TENM4: variants seen among roughly 807,000 people sequenced by gnomAD.
TENM4 encodes the protein teneurin-4.
TENM4 carries 82 observed loss-of-function variants against 243.3 expected under a neutral mutation model. That is an observed-to-expected ratio of 0.34 (90% CI 0.28 to 0.40). TENM4 has a LOEUF of 0.40. Ranked by LOEUF, TENM4 falls within the 10% of genes least tolerant of loss-of-function variation. The pLI, the probability that TENM4 is intolerant of heterozygous loss-of-function variation, is 1.00. For synonymous variants in TENM4, 1,412 were observed against 1,456.3 expected (o/e 0.97, Z 0.69); for missense variants, 3,138 against 3,673.3 (o/e 0.85, Z 3.77).
In TENM4 at chr11:79,290,637, T is replaced by C. The variant is rs186144764; in HGVS notation, c.-265+6851A>G. Among the ~76,000 whole-genome samples, 100 of 152,214 alleles carry C rather than the reference T, an allele frequency of 6.6e-4. 1 individual carries two copies. The highest frequency in any genetic ancestry group is 2.2e-3 in the African/African-American group (92 of 41,540). Reference sequence around the variant, plus strand: ...GATCAGATCCTGGAACAAGCACTGATGAGCATCCTGTAATCCAGAAGATGA... The same window carrying C: ...GATCAGATCCTGGAACAAGCACTGACGAGCATCCTGTAATCCAGAAGATGA... On this transcript the variant is annotated intron_variant, in intron 2 of 33. Transcript: ENST00000278550.
Position 79,030,484 on chromosome 11 carries a change from C to T in TENM4, c.493+34254G>A, listed in dbSNP as rs117549152. On this transcript the variant is annotated intron_variant, in intron 6 of 33. Coordinates refer to ENST00000278550, the MANE Select transcript of TENM4 (RefSeq NM_001098816.3). ...TGCTATCAAAAAGCTAGAGTCATTTCGGCTGGACATACCACCAATGAAACT... is the reference window on the plus strand; with the variant it reads ...TGCTATCAAAAAGCTAGAGTCATTTTGGCTGGACATACCACCAATGAAACT... Among the ~76,000 whole-genome samples, 496 of 152,260 alleles carry T rather than the reference C, an allele frequency of 3.3e-3. 1 individual carries two copies. Among genetic ancestry groups the T allele is most frequent in the Non-Finnish European group, 5.4e-3 (364 of 68,028 alleles).
chr11:79,220,574 G>A (rs117691566), intron 2 of TENM4, among the ~76,000 whole-genome samples: 1 of 152,142 alleles, frequency 6.6e-6, no homozygotes, highest in Non-Finnish European at 1.5e-5. Context: ...AACATCATGG[G>A]CATTGCTTTC....
At chr11:78,923,997 G>A (rs1856503243) in intron 6 of TENM4, among the ~76,000 whole-genome samples, 1 of 151,760 alleles carries the variant, frequency 6.6e-6, no homozygotes, top group Admixed American at 6.6e-5. Context: ...TGGGATTACA[G>A]GTGCCTGCCA....
At chr11:78,719,744 C>T (rs186489710) in intron 25 of TENM4, among the ~76,000 whole-genome samples, 141 of 152,312 alleles carry the variant, frequency 9.3e-4, no homozygotes, top group African/African-American at 2.7e-3. Context: ...GACAGGCAGA[C>T]ACTTCTCTTG....
intron 22 of TENM4, among the ~76,000 whole-genome samples, chr11:78,726,760 C>T (rs566999199): frequency 6.6e-5 from 8 of 121,438 alleles, no homozygotes; most frequent in Admixed American, 2.3e-4. Context: ...GATGGCTGCT[C>T]CCGCTTTGCC....
In TENM4 at chr11:79,069,814, G is replaced by T; in HGVS notation, c.131C>A (p.Thr44Asn). ...APQKSYSSSE[T>N]LKAYDQDARL... ...GGCGTCCTGGTCGTAGGCCTTCAGG[G>T]TCTCGCTGGAGCTGTACGATTTCTG... Residue 44 changes from threonine (T) to asparagine (N), a missense_variant, in exon 5 of 34, where the codon ACC becomes AAC. Thr to Asn is a moderately conservative substitution (Grantham distance 65). Coordinates refer to ENST00000278550, the MANE Select transcript of TENM4 (RefSeq NM_001098816.3). 6.4e-7 allele frequency: 1 copy of T among 1,551,148 alleles called. No individual in the cohort carries two copies. Among genetic ancestry groups the T allele is most frequent in the South Asian group, 1.2e-5 (1 of 84,066 alleles).
intron 2 of TENM4, among the ~76,000 whole-genome samples, chr11:79,272,220 A>T (rs1590842079): frequency 6.6e-6 from 1 of 152,094 alleles, no homozygotes; most frequent in Admixed American, 6.5e-5. Context: ...CTTTCCATTC[A>T]ACAGTCATTG....
chr11:78,875,689 C>T (rs1221525055), intron 9 of TENM4, among the ~76,000 whole-genome samples: 4 of 152,166 alleles, frequency 2.6e-5, no homozygotes, highest in East Asian at 3.9e-4. Context: ...ATTTAACCTT[C>T]GTGGCCTCAG....
chr11:79,267,669 C>A (rs1855904623), intron 2 of TENM4, among the ~76,000 whole-genome samples: 1 of 152,140 alleles, frequency 6.6e-6, no homozygotes, highest in African/African-American at 2.4e-5. Flanking sequence ...ACAATATATT[C>A]CTTAGAGAAT....
At chr11:79,003,106 GA>G (rs1445230476) in intron 6 of TENM4, among the ~76,000 whole-genome samples, 3 of 152,012 alleles carry the variant, frequency 2.0e-5, no homozygotes, top group Admixed American at 6.5e-5. Context: ...CAAAAATAAA[GA>G]AAAAAGAAGA....
intron 1 of TENM4, among the ~76,000 whole-genome samples, chr11:79,318,645 T>C (rs1022623117): frequency 1.3e-5 from 2 of 152,162 alleles, no homozygotes; most frequent in African/African-American, 4.8e-5. Flanking sequence ...ACAGGTAAAA[T>C]AGACATCAGT....
chr11:78,918,976 T>C (rs1242768141), intron 6 of TENM4, among the ~76,000 whole-genome samples: 2 of 152,314 alleles, frequency 1.3e-5, no homozygotes, highest in South Asian at 4.1e-4. Context: ...TCTCTGAGTG[T>C]CATCTATAAA....
chr11:78,805,282 C>CCCCCCCCCCCCCCCCCCCCCCAGA lies in TENM4; in HGVS notation c.2179+9_2179+10insTCTGGGGGGGGGGGGGGGGGGGGG. The CCCCCCCCCCCCCCCCCCCCCCAGA allele has an allele frequency of 3.0e-6, 3 of 995,562 alleles. No homozygotes were observed. The highest frequency in any genetic ancestry group is 5.3e-5 in the East Asian group (1 of 19,014). The allele number at this position is 995,562 out of a possible 1,614,324, so 61.7% of individuals were successfully genotyped here. The stretch of plus-strand genomic sequence containing the variant: ...CCCTCTACCCATGCTTCTTCTCCCC[C>CCCCCCCCCCCCCCCCCCCCCCAGA]TGCATTTACCGATAGAACAGTCGTG... On this transcript the variant is annotated intron_variant, in intron 15 of 33. Transcript: ENST00000278550.
intron 2 of TENM4, among the ~76,000 whole-genome samples, chr11:79,295,309 C>G (rs1590858855): frequency 6.6e-6 from 1 of 152,198 alleles, no homozygotes; most frequent in East Asian, 1.9e-4. Context: ...AGAATGCTGG[C>G]AGTCCAGAGC....
At chr11:78,663,788 CCACT>C (rs1460873852) in intron 32 of TENM4, among the ~76,000 whole-genome samples, 6 of 152,130 alleles carry the variant, frequency 3.9e-5, no homozygotes, top group South Asian at 2.1e-4. Context: ...CACCTGCCAC[CCACT>C]GAGTTCATCC....
chr11:79,204,075 G>C (rs1178731444), intron 3 of TENM4, among the ~76,000 whole-genome samples: 1 of 152,094 alleles, frequency 6.6e-6, no homozygotes, highest in East Asian at 1.9e-4. Flanking sequence ...CCTGGCCAAA[G>C]CAGGGATGGG....
At chr11:78,730,801 T>C (rs1000434539) in intron 21 of TENM4, among the ~76,000 whole-genome samples, 2 of 152,222 alleles carry the variant, frequency 1.3e-5, no homozygotes, top group Non-Finnish European at 2.9e-5. Context: ...TGTGAACGTT[T>C]ACCCTCACCC....
chr11:79,307,842 T>C (rs1191965190), intron 1 of TENM4, among the ~76,000 whole-genome samples: 1 of 152,200 alleles, frequency 6.6e-6, no homozygotes, highest in Admixed American at 6.5e-5. Flanking sequence ...TGAGAGGATA[T>C]GGAGACCTAG....
chr11:78,912,989 G>A (rs747246748), intron 6 of TENM4, among the ~76,000 whole-genome samples: 2 of 152,288 alleles, frequency 1.3e-5, no homozygotes, highest in East Asian at 1.9e-4. Flanking sequence ...ATCTGAGCCC[G>A]TTTCCCCAAT....
Sources: allele counts gnomAD v4.1 joint callset (sites outside exome capture counted in the v4.1 genomes callset), GRCh38; gene constraint gnomAD v4.1.1; transcripts MANE v1.5; gene names NCBI Gene and HGNC (gene_info 2026-07-23, HGNC 2026-07-21).